The following WWOX variants were observed in gnomAD, a reference collection of about 807,000 sequenced individuals.
WWOX encodes WW domain containing oxidoreductase, also known as WW domain-containing oxidoreductase.
In WWOX, 69 loss-of-function variants were observed where a neutral mutation model predicts 46.2. The observed-to-expected ratio is 1.49, with a 90% confidence interval of 1.23 to 1.82. The LOEUF (loss-of-function observed/expected upper bound fraction) is 1.82, where lower values mean the gene tolerates loss of function less well. Ranked by LOEUF, WWOX falls within the 40% of genes most tolerant of loss-of-function variation. The probability of loss-of-function intolerance (pLI) is 0.00; values close to 1 mark genes in which losing one functional copy is unlikely to be tolerated. For synonymous variants in WWOX, 359 were observed against 202.6 expected (o/e 1.77, Z -6.56); for missense variants, 919 against 542.6 (o/e 1.69, Z -6.89).
At chr16:78,429,580 A>G (rs1351916952) in intron 7 of WWOX, among the ~76,000 whole-genome samples, 2 of 152,008 alleles carry the variant, frequency 1.3e-5, no homozygotes, top group African/African-American at 4.8e-5. Context: ...TTTATTCCAT[A>G]CCTTTCAGAT....
intron 5 of WWOX, among the ~76,000 whole-genome samples, chr16:78,253,686 T>A (rs905829738): frequency 6.6e-6 from 1 of 152,220 alleles, no homozygotes; most frequent in African/African-American, 2.4e-5. Flanking sequence ...ATATTAGAAA[T>A]AAGATATTTA....
chr16:78,684,599 G>A (rs971340283), intron 8 of WWOX, among the ~76,000 whole-genome samples: 5 of 152,194 alleles, frequency 3.3e-5, no homozygotes, highest in African/African-American at 4.8e-5. Flanking sequence ...GAGAAGCCAT[G>A]TGGGACCTCA....
At chr16:79,028,077 A>C (rs1471311349) in intron 8 of WWOX, among the ~76,000 whole-genome samples, 1 of 151,750 alleles carries the variant, frequency 6.6e-6, no homozygotes, top group Non-Finnish European at 1.5e-5. Flanking sequence ...CTGCCTCCCG[A>C]GTAGCTGAGA....
intron 8 of WWOX, among the ~76,000 whole-genome samples, chr16:79,142,131 A>G (rs1597413143): frequency 6.6e-6 from 1 of 152,132 alleles, no homozygotes; most frequent in Admixed American, 6.5e-5. Flanking sequence ...CTTTTCACAG[A>G]TATTTAGTGA....
chr16:79,129,733 T>G (rs1004509749), intron 8 of WWOX, among the ~76,000 whole-genome samples: 1 of 147,686 alleles, frequency 6.8e-6, no homozygotes, highest in Non-Finnish European at 1.5e-5. Context: ...AAGCCATTAA[T>G]AAATAAATTA....
chr16:78,477,159 T>C (rs907739569), intron 8 of WWOX, among the ~76,000 whole-genome samples: 1 of 152,216 alleles, frequency 6.6e-6, no homozygotes, highest in Non-Finnish European at 1.5e-5. Context: ...ATATTGCTTT[T>C]AGTGTAATCG....
chr16:78,331,869 C>A (rs570925733), intron 5 of WWOX, among the ~76,000 whole-genome samples: 1 of 152,070 alleles, frequency 6.6e-6, no homozygotes, highest in Non-Finnish European at 1.5e-5. Context: ...TCAAATTATT[C>A]CCCCCTTTAC....
chr16:78,706,449 A>G (rs368017575), intron 8 of WWOX, among the ~76,000 whole-genome samples: 13 of 152,196 alleles, frequency 8.5e-5, no homozygotes, highest in African/African-American at 2.9e-4. Flanking sequence ...TCTGTAATCA[A>G]GAGCTCCATC....
chr16:78,617,312 G>C (rs1311367040), intron 8 of WWOX, among the ~76,000 whole-genome samples: 5 of 151,474 alleles, frequency 3.3e-5, no homozygotes, highest in African/African-American at 1.2e-4. Flanking sequence ...TGAGGTGGAA[G>C]GATCACTTGA....
At chr16:78,546,016 C>T (rs184925212) in intron 8 of WWOX, among the ~76,000 whole-genome samples, 21 of 152,170 alleles carry the variant, frequency 1.4e-4, no homozygotes, top group Admixed American at 6.5e-4. Context: ...TTGAGGGGGA[C>T]GCAGTTTAGT....
At chr16:78,417,629 G>T (rs76806766) in intron 6 of WWOX, among the ~76,000 whole-genome samples, 2,249 of 152,132 alleles carry the variant, frequency 0.015, 48 homozygotes, top group East Asian at 0.062. Flanking sequence ...CCTCTTCCCC[G>T]CAAGGTTTTT....
chr16:78,424,799 C>T lies in WWOX; in HGVS notation c.606-71C>T. 4 of 1,562,754 alleles carry T rather than the reference C, an allele frequency of 2.6e-6. 1 individual carries two copies. The highest frequency in any genetic ancestry group is 3.5e-6 in the Non-Finnish European group (4 of 1,134,814). On this transcript the variant is annotated intron_variant, in intron 6 of 8. Transcript: ENST00000566780. ...TGTTTATGTCCACATCACGTGGATT[C>T]CCGAAGGAGCATGGATTATCCTTGG... is the stretch of plus-strand genomic sequence containing the variant.
At chr16:78,772,365 C>G (rs953141131) in intron 8 of WWOX, among the ~76,000 whole-genome samples, 4 of 152,224 alleles carry the variant, frequency 2.6e-5, no homozygotes, top group Non-Finnish European at 5.9e-5. Context: ...TCGCAGAAGA[C>G]ATGATCGCAT....
At chr16:78,305,396 T>A (rs2080115506) in intron 5 of WWOX, among the ~76,000 whole-genome samples, 2 of 152,170 alleles carry the variant, frequency 1.3e-5, no homozygotes, top group African/African-American at 2.4e-5. Context: ...AACCTCTGGA[T>A]GAGTCCCTTG....
chr16:78,575,367 A>C (rs981049657), intron 8 of WWOX, among the ~76,000 whole-genome samples: 13 of 151,766 alleles, frequency 8.6e-5, no homozygotes, highest in Non-Finnish European at 1.8e-4. Flanking sequence ...TACTAGCCTG[A>C]AATAGCCCTA....
At chr16:78,597,035 G>A (rs1439675561) in intron 8 of WWOX, among the ~76,000 whole-genome samples, 1 of 152,180 alleles carries the variant, frequency 6.6e-6, no homozygotes, top group East Asian at 1.9e-4. Flanking sequence ...CAATCTCATT[G>A]CTGCTCCCCT....
chr16:79,011,782 C>G (rs903540144), intron 8 of WWOX, among the ~76,000 whole-genome samples: 2 of 151,970 alleles, frequency 1.3e-5, no homozygotes, highest in Non-Finnish European at 2.9e-5. Context: ...CATGAGCCAC[C>G]ATGCCCGGCC....
chr16:78,586,376 T>A (rs947965890), intron 8 of WWOX, among the ~76,000 whole-genome samples: 1 of 152,142 alleles, frequency 6.6e-6, no homozygotes, highest in Non-Finnish European at 1.5e-5. Flanking sequence ...CCTCTCCATG[T>A]CTCAGTTTCC....
chr16:79,072,127 G>A (rs1390145148), intron 8 of WWOX, among the ~76,000 whole-genome samples: 1 of 152,002 alleles, frequency 6.6e-6, no homozygotes, highest in African/African-American at 2.4e-5. Flanking sequence ...TACAAAAAAA[G>A]AAAAATAAAT....
Sources: allele counts gnomAD v4.1 joint callset (sites outside exome capture counted in the v4.1 genomes callset), GRCh38; gene constraint gnomAD v4.1.1; transcripts MANE v1.5; gene names NCBI Gene and HGNC (gene_info 2026-07-23, HGNC 2026-07-21).